The following KNL1 variants were observed in gnomAD, a reference collection of about 807,000 sequenced individuals.
KNL1 encodes the protein outer kinetochore KNL1 complex subunit KNL1.
Under a neutral mutation model 201.3 loss-of-function variants are expected in KNL1, and 66 were observed. The ratio of observed to expected loss-of-function variants is 0.33; its 90% CI spans 0.27 to 0.40. The LOEUF is 0.40. Among genes scored for constraint, KNL1 ranks in the 10% least tolerant of loss-of-function variants. KNL1 has a pLI of 1.00. For missense variants in KNL1, 2,815 were observed against 2,690.5 expected (o/e 1.05, Z -1.02); for synonymous variants, 895 against 899.2 (o/e 1.00, Z 0.08).
At chr15:40,648,914 C>T (rs1190368580) in intron 17 of KNL1, among the ~76,000 whole-genome samples, 11 of 150,992 alleles carry the variant, frequency 7.3e-5, no homozygotes, top group Non-Finnish European at 1.5e-4. Flanking sequence ...ACTGCAACCT[C>T]CGCCTCCCAG....
Position 40,624,044 on chromosome 15 carries a change from T to G in KNL1, c.3780T>G (p.Val1260=). ...TGGATGAAAAGGTCATAGGGAAAGTTGTAGACCAGGCCTGTACATTGGAAA... is the reference window on the plus strand; with the variant it reads ...TGGATGAAAAGGTCATAGGGAAAGTGGTAGACCAGGCCTGTACATTGGAAA... ...AAMDEKVIGK[V]VDQACTLEKA... is the part of the protein sequence containing the mutation. Residue 1260 remains valine, a synonymous_variant, in exon 10 of 26, where the codon GTT becomes GTG. Transcript: ENST00000399668. The G allele has an allele frequency of 1.9e-6, 3 of 1,614,028 alleles. No homozygotes were observed. Among genetic ancestry groups the G allele is most frequent in the Non-Finnish European group, 2.5e-6 (3 of 1,179,944 alleles).
intron 7 of KNL1, among the ~76,000 whole-genome samples, chr15:40,613,081 G>C (rs752932243): frequency 6.6e-6 from 1 of 152,160 alleles, no homozygotes; most frequent in African/African-American, 2.4e-5. Flanking sequence ...CCATCAGTAA[G>C]GGCCTGGTTA....
chr15:40,639,826 G>T (rs1294516609), intron 13 of KNL1, among the ~76,000 whole-genome samples: 1 of 151,414 alleles, frequency 6.6e-6, no homozygotes, highest in African/African-American at 2.4e-5. Context: ...TATAATCCCA[G>T]TGCTTTGGGA....
rs1292164652 is a variant in KNL1, at chr15:40,615,346, A to G, written c.290A>G (p.Lys97Arg). The change falls in exon 8 of 26, where the codon AAG becomes AGG. Residue 97 changes from lysine to arginine, a missense_variant. Physicochemically the swap from Lys to Arg is conservative, Grantham distance 26. This residue lies in a region of KNL1 where 2,464 missense variants were observed against 2,291.7 expected (regional missense o/e 1.08). Coordinates refer to ENST00000399668, the MANE Select transcript of KNL1 (RefSeq NM_144508.5). The stretch of plus-strand genomic sequence containing the variant: ...AAATACTTTTTAATTTTTAGGAATA[A>G]GAAATTAGAAGATAATTACTGTGAA... ...TGENLLLIQN[K>R]KLEDNYCEIT... 1 of 696,508 alleles carries G rather than the reference A, an allele frequency of 1.4e-6. No individual in the cohort carries two copies. The highest frequency in any genetic ancestry group is 2.4e-6 in the Non-Finnish European group (1 of 424,336). The allele number at this position is 696,508 out of a possible 1,614,324, so 43.1% of individuals were successfully genotyped here.
intron 1 of KNL1, among the ~76,000 whole-genome samples, chr15:40,597,755 CTGAT>C (rs1257919893): frequency 1.3e-5 from 2 of 152,212 alleles, no homozygotes; most frequent in African/African-American, 4.8e-5. Flanking sequence ...TAATTGCTAA[CTGAT>C]TGGTCTACAG....
chr15:40,645,127 C>A, intron 15 of KNL1, 40 bp downstream of exon 15: 1 of 1,309,240 alleles, frequency 7.6e-7, no homozygotes, highest in Non-Finnish European at 1.1e-6. Flanking sequence ...TCAGTGAAGA[C>A]ATTCTGAACG....
At chr15:40,613,545 T>C (rs1352569399) in intron 7 of KNL1, among the ~76,000 whole-genome samples, 3 of 152,102 alleles carry the variant, frequency 2.0e-5, no homozygotes, top group African/African-American at 7.2e-5. Flanking sequence ...GAAAAATAAT[T>C]TTTTAAATAA....
chr15:40,619,445 A>G (rs576011331), intron 9 of KNL1, among the ~76,000 whole-genome samples: 1 of 152,096 alleles, frequency 6.6e-6, no homozygotes, highest in Admixed American at 6.6e-5. Flanking sequence ...ACTGTTGCCC[A>G]GGCTGGAGTG....
rs1892697694 is a variant in KNL1 at position 40,625,087 on chromosome 15, T to G, written c.4823T>G (p.Ile1608Ser). The part of the protein sequence containing the change: ...HIVQATEIHN[I>S]NIISSNAKDS... ...GTGCAAGCTACAGAAATACATAATATTAACATAATCTCCAGCAATGCTAAA... is the reference window on the plus strand; with the variant it reads ...GTGCAAGCTACAGAAATACATAATAGTAACATAATCTCCAGCAATGCTAAA... The change falls in exon 10 of 26, where the codon ATT (isoleucine) becomes AGT (serine). Residue 1608 changes from isoleucine to serine, a missense_variant. Physicochemically the swap from Ile to Ser is moderately radical, Grantham distance 142. This residue lies in a region of KNL1 where 2,464 missense variants were observed against 2,291.7 expected (regional missense o/e 1.08). Coordinates refer to ENST00000399668, the MANE Select transcript of KNL1 (RefSeq NM_144508.5). The G allele has an allele frequency of 2.5e-6, 4 of 1,613,604 alleles. No homozygotes were observed. The South Asian group carries it at 4.4e-5, about 18-fold the overall frequency.
chr15:40,653,378 G>A (rs1187946926), intron 21 of KNL1, among the ~76,000 whole-genome samples: 1 of 151,958 alleles, frequency 6.6e-6, no homozygotes, highest in African/African-American at 2.4e-5. Flanking sequence ...TTGTGGGGAT[G>A]GGGTTTCACC....
At chr15:40,632,494 C>T (rs1595933745) in intron 13 of KNL1, among the ~76,000 whole-genome samples, 1 of 151,424 alleles carries the variant, frequency 6.6e-6, no homozygotes, top group Admixed American at 6.6e-5. Context: ...CCCAGCTACT[C>T]GGGAGGCTGA....
chr15:40,623,784 A>G lies in KNL1; in HGVS notation c.3520A>G (p.Ile1174Val). 1.9e-6 allele frequency: 3 copies of G among 1,613,962 alleles called. 1 individual carries two copies. The highest frequency in any genetic ancestry group is 2.2e-5 in the South Asian group (2 of 91,076). Residue 1174 changes from isoleucine (I) to valine (V), a missense_variant, in exon 10 of 26, where the codon ATT becomes GTT. By Grantham distance (29) the Ile-to-Val change is conservative. Transcript: ENST00000399668. Reference sequence around the variant, plus strand: ...AGTCACCGATTCCCATACTGTTTTCATTGACTGTCAAGCCACAGAGAAAAT... The same window carrying G: ...AGTCACCGATTCCCATACTGTTTTCGTTGACTGTCAAGCCACAGAGAAAAT... ...LEVTDSHTVF[I>V]DCQATEKILE...
At chr15:40,598,137 G>A (rs1017385951) in intron 1 of KNL1, among the ~76,000 whole-genome samples, 2 of 149,156 alleles carry the variant, frequency 1.3e-5, no homozygotes, top group African/African-American at 2.5e-5. Flanking sequence ...TGGCACCATT[G>A]CTCTCTAGCC....
Position 40,602,976 on chromosome 15 carries a change from T to A in KNL1, c.35+10T>A. On this transcript the variant is annotated intron_variant, in intron 2 of 25. Coordinates refer to ENST00000399668, the MANE Select transcript of KNL1 (RefSeq NM_144508.5). ...AGGCTAATGAAGAAAAGTAAGTTCA[T>A]TTAATGCAGCTAAAAATATTATATT... The A allele has an allele frequency of 2.5e-6, 4 of 1,573,226 alleles. No homozygotes were observed. The highest frequency in any genetic ancestry group is 3.5e-6 in the Non-Finnish European group (4 of 1,147,606).
chr15:40,635,258 TAG>T (rs1893022123), intron 13 of KNL1, among the ~76,000 whole-genome samples: 1 of 151,810 alleles, frequency 6.6e-6, no homozygotes, highest in Admixed American at 6.6e-5. Context: ...TTCACTGTGT[TAG>T]CCAGGATGGT....
chr15:40,641,050 G>T (rs182681937), intron 14 of KNL1, 23 bp downstream of exon 14: 9 of 1,508,044 alleles, frequency 6.0e-6, no homozygotes, highest in Non-Finnish European at 8.3e-6. Context: ...TAATTTTTAT[G>T]TGTGTTTTTT....
rs540635331 is a variant in KNL1, at chr15:40,608,426, C to T, written c.136-421C>T. On this transcript the variant is annotated intron_variant, in intron 4 of 25. Transcript: ENST00000399668. Reference sequence around the variant, plus strand: ...TCCAGCCTGGGCGACAGAACAAAACCGTCTTGGAAAAAAAAAAAAAAAAAA... The same window carrying T: ...TCCAGCCTGGGCGACAGAACAAAACTGTCTTGGAAAAAAAAAAAAAAAAAA... Among the ~76,000 whole-genome samples the T allele has an allele frequency of 1.9e-4, 27 of 142,086 alleles. 1 individual carries two copies. Among genetic ancestry groups the T allele is most frequent in the East Asian group, 1.2e-3 (6 of 4,932 alleles). The allele number at this position is 142,086 out of a possible 152,430, so 93.2% of individuals were successfully genotyped here.
chr15:40,651,431 CA>C (rs756050856), intron 19 of KNL1, 39 bp from the exon 20 acceptor site: 2 of 1,415,870 alleles, frequency 1.4e-6, no homozygotes, highest in Admixed American at 2.2e-5. Flanking sequence ...AATTCTCTAA[CA>C]AAAACCTTAT....
chr15:40,659,590 T>C, intron 25 of KNL1, 129 bp downstream of exon 25: 1 of 656,810 alleles, frequency 1.5e-6, no homozygotes, highest in East Asian at 4.1e-5. Flanking sequence ...CCTCCCGGGT[T>C]CACGCCATTC....
Sources: allele counts gnomAD v4.1 joint callset (sites outside exome capture counted in the v4.1 genomes callset), GRCh38; gene constraint gnomAD v4.1.1; regional missense constraint gnomAD v4.1.1; transcripts MANE v1.5; gene names NCBI Gene and HGNC (gene_info 2026-07-23, HGNC 2026-07-21).